RGS6: variants seen among roughly 807,000 people sequenced by gnomAD.
RGS6 encodes regulator of G protein signaling 6.
Under a neutral mutation model 78.5 loss-of-function variants are expected in RGS6, and 30 were observed. The ratio of observed to expected loss-of-function variants is 0.38; its 90% CI spans 0.29 to 0.52. The LOEUF (loss-of-function observed/expected upper bound fraction) is 0.52. RGS6 is among the 20% of genes least tolerant of loss of function. The pLI is 0.85. For missense variants in RGS6, 495 were observed against 609.7 expected, an observed-to-expected ratio of 0.81 and a Z score of 1.98; for synonymous variants, 206 against 206.0, an observed-to-expected ratio of 1.00 and a Z score of 0.00.
chr14:72,307,216 A>C (rs2067443979), intron 2 of RGS6, among the ~76,000 whole-genome samples: 2 of 152,212 alleles, frequency 1.3e-5, no homozygotes. Flanking sequence ...TGTTTTTTAG[A>C]CATAATGCTA....
intron 2 of RGS6, among the ~76,000 whole-genome samples, chr14:72,268,181 C>T (rs1351192767): frequency 6.6e-6 from 1 of 152,150 alleles, no homozygotes; most frequent in African/African-American, 2.4e-5. Context: ...ATTTGAAATA[C>T]CCCACTGTGC....
intron 10 of RGS6, among the ~76,000 whole-genome samples, chr14:72,475,033 G>T (rs1256799004): frequency 6.6e-6 from 1 of 151,818 alleles, no homozygotes; most frequent in East Asian, 1.9e-4. Flanking sequence ...GGGGGTGGGG[G>T]GCTTCCCAAG....
chr14:72,140,952 G>C (rs191823771), intron 2 of RGS6, among the ~76,000 whole-genome samples: 1 of 152,186 alleles, frequency 6.6e-6, no homozygotes, highest in African/African-American at 2.4e-5. Flanking sequence ...AACTCTTACC[G>C]TGTAAATGTG....
At chr14:71,988,281 G>A (rs1326636410) in intron 2 of RGS6, among the ~76,000 whole-genome samples, 2 of 152,124 alleles carry the variant, frequency 1.3e-5, no homozygotes, top group African/African-American at 2.4e-5. Context: ...CTGGGAAGGA[G>A]GGGTCAGTAG....
chr14:71,894,416 T>G, the RGS6 span, among the ~76,000 whole-genome samples: 1 of 152,196 alleles, frequency 6.6e-6, no homozygotes, highest in Non-Finnish European at 1.5e-5. Context: ...TCACAAACCC[T>G]TGTAGCAGAG....
chr14:72,517,990 G>A (rs113639437), intron 14 of RGS6, among the ~76,000 whole-genome samples: 1,973 of 152,280 alleles, frequency 0.013, 39 homozygotes, highest in African/African-American at 0.044. Flanking sequence ...GTGGGTAGAG[G>A]CCAAGGTTGC....
At chr14:71,896,859 A>C in the RGS6 span, among the ~76,000 whole-genome samples, 255 of 152,292 alleles carry the variant, frequency 1.7e-3, 1 homozygote, top group Non-Finnish European at 2.8e-3. Flanking sequence ...CTATTTTATG[A>C]GTTACCATTG....
At chr14:72,190,529 G>T (rs370134036) in intron 2 of RGS6, among the ~76,000 whole-genome samples, 1 of 152,158 alleles carries the variant, frequency 6.6e-6, no homozygotes, top group African/African-American at 2.4e-5. Context: ...GGCCCTTCAC[G>T]GGCAGTGGAA....
In RGS6 at chr14:72,265,938, TGG is replaced by T. The variant is rs5809568; in HGVS notation, c.85-86147_85-86146del. ...CTAACTATCAGTCCTATCGCTTTTT[TGG>T]GGGGGGGGGCGGGAGGCAGGTGGGA... On this transcript the variant is annotated intron_variant, in intron 2 of 17. Coordinates refer to ENST00000553525, the MANE Select transcript of RGS6 (RefSeq NM_001204424.2). 2.6e-3 allele frequency among the ~76,000 whole-genome samples: 337 copies of T among 130,930 alleles called. 8 individuals carry two copies. Among genetic ancestry groups the T allele is most frequent in the African/African-American group, 8.2e-3 (316 of 38,378 alleles). The allele number at this position is 130,930 out of a possible 152,430, so 85.9% of individuals were successfully genotyped here.
intron 2 of RGS6, chr14:72,022,327 G>C (rs2088818239): frequency 6.6e-6 from 1 of 152,068 alleles, no homozygotes; most frequent in African/African-American, 2.4e-5. Flanking sequence ...TGATAGTTCT[G>C]CTTTTAGCTC....
In RGS6 at chr14:72,121,794, C is replaced by A. The variant is rs1018528038; in HGVS notation, c.84+156919C>A. Among the ~76,000 whole-genome samples the A allele has an allele frequency of 3.9e-5, 6 of 152,272 alleles. No homozygotes were observed. The East Asian group carries it at 1.2e-3, about 29-fold the overall frequency. On this transcript the variant is annotated intron_variant, in intron 2 of 17. Transcript: ENST00000553525. ...CAGATTCTTGCAGTCTCCTGAGGAT[C>A]TTTCAAGGACTGGAACTGCATCTTC...
chr14:72,566,827 G>A (rs1432079217), downstream of RGS6, among the ~76,000 whole-genome samples: 1 of 152,150 alleles, frequency 6.6e-6, no homozygotes, highest in Admixed American at 6.5e-5. Context: ...CCTTGGCTGG[G>A]GGGTTCTCCA....
At chr14:72,169,084 C>T (rs184746022) in intron 2 of RGS6, among the ~76,000 whole-genome samples, 2 of 152,260 alleles carry the variant, frequency 1.3e-5, no homozygotes, top group Non-Finnish European at 2.9e-5. Flanking sequence ...TCTGTATTGA[C>T]ATGTATCTTT....
chr14:72,393,449 C>T (rs1213722322), intron 3 of RGS6, among the ~76,000 whole-genome samples: 1 of 152,184 alleles, frequency 6.6e-6, no homozygotes, highest in Non-Finnish European at 1.5e-5. Flanking sequence ...TTCCAAGGTA[C>T]AACCAGAGTC....
intron 2 of RGS6, among the ~76,000 whole-genome samples, chr14:72,318,463 A>G (rs2070947469): frequency 6.6e-6 from 1 of 152,148 alleles, no homozygotes; most frequent in African/African-American, 2.4e-5. Flanking sequence ...AATCCAATCA[A>G]GTTGACACTC....
At chr14:72,251,120 A>G (rs1284915274) in intron 2 of RGS6, among the ~76,000 whole-genome samples, 2 of 152,344 alleles carry the variant, frequency 1.3e-5, no homozygotes, top group South Asian at 4.1e-4. Flanking sequence ...AGAGGAAACA[A>G]TAGTTTATAA....
intron 2 of RGS6, among the ~76,000 whole-genome samples, chr14:71,983,447 G>C (rs1002497960): frequency 1.3e-5 from 2 of 152,202 alleles, no homozygotes; most frequent in South Asian, 4.1e-4. Context: ...ACAAACTATG[G>C]CTTAAGACAA....
chr14:71,942,467 G>T lies in RGS6; in HGVS notation c.-21+9526G>T, dbSNP rs2090764661. On this transcript the variant is annotated intron_variant, in intron 1 of 17. Transcript: ENST00000553525. Reference sequence around the variant, plus strand: ...CCCATCCCTCCCACCAAGAAAAAAGGCTCATTAGAACTCTACCACCATTCT... The same window carrying T: ...CCCATCCCTCCCACCAAGAAAAAAGTCTCATTAGAACTCTACCACCATTCT... Among the ~76,000 whole-genome samples, 11 of 151,402 alleles carry T rather than the reference G, an allele frequency of 7.3e-5. 1 individual carries two copies. Among genetic ancestry groups the T allele is most frequent in the Admixed American group, 6.6e-4 (10 of 15,208 alleles).
At chr14:72,517,182 T>C (rs527668574) in intron 14 of RGS6, among the ~76,000 whole-genome samples, 27 of 152,096 alleles carry the variant, frequency 1.8e-4, no homozygotes, top group Non-Finnish European at 3.1e-4. Flanking sequence ...TGGATGAAAT[T>C]TGATGACAGA....
Sources: allele counts gnomAD v4.1 joint callset (sites outside exome capture counted in the v4.1 genomes callset), GRCh38; gene constraint gnomAD v4.1.1; transcripts MANE v1.5; gene names NCBI Gene and HGNC (gene_info 2026-07-23, HGNC 2026-07-21).